The following OSBPL9 variants were observed in gnomAD, a reference collection of about 807,000 sequenced individuals.
OSBPL9 encodes the protein oxysterol-binding protein-related protein 9.
Under a neutral mutation model 106.6 loss-of-function variants are expected in OSBPL9, and 40 were observed. That is an observed-to-expected ratio of 0.38 (90% confidence interval 0.29 to 0.49). The LOEUF (loss-of-function observed/expected upper bound fraction) is 0.49. Among genes scored for constraint, OSBPL9 ranks in the 20% least tolerant of loss-of-function variants. The probability of loss-of-function intolerance (pLI) is 0.97; values close to 1 mark genes in which losing one functional copy is unlikely to be tolerated. For synonymous variants in OSBPL9, 269 were observed against 295.4 expected, an observed-to-expected ratio of 0.91 and a Z score of 0.92; for missense variants, 609 against 887.2, an observed-to-expected ratio of 0.69 and a Z score of 3.98.
the OSBPL9 span, among the ~76,000 whole-genome samples, chr1:51,570,744 A>T: frequency 3.1e-4 from 47 of 152,224 alleles, no homozygotes; most frequent in Non-Finnish European, 4.7e-4. Flanking sequence ...GGTGAAGGTC[A>T]AGTGAGTAAG....
intron 1 of OSBPL9, among the ~76,000 whole-genome samples, chr1:51,642,666 C>G (rs1031879001): frequency 3.9e-5 from 6 of 152,272 alleles, no homozygotes; most frequent in South Asian, 2.1e-4. Context: ...ATCCTAACTC[C>G]AACCCTTTGG....
chr1:51,637,069 A>G (rs139792084), intron 1 of OSBPL9, among the ~76,000 whole-genome samples: 1 of 152,362 alleles, frequency 6.6e-6, no homozygotes, highest in African/African-American at 2.4e-5. Context: ...AACCAGGTTT[A>G]TAGTGACTGT....
intron 8 of OSBPL9, among the ~76,000 whole-genome samples, chr1:51,752,248 C>A (rs1669407051): frequency 6.6e-6 from 1 of 151,006 alleles, no homozygotes; most frequent in Non-Finnish European, 1.5e-5. Flanking sequence ...TCCACCCCCG[C>A]CCCCGGCTTT....
At chr1:51,563,117 T>C in the OSBPL9 span, among the ~76,000 whole-genome samples, 7 of 151,960 alleles carry the variant, frequency 4.6e-5, no homozygotes, top group African/African-American at 1.7e-4. Context: ...GGCTGAGGCA[T>C]GAGAATCTCT....
intron 3 of OSBPL9, among the ~76,000 whole-genome samples, chr1:51,712,282 A>G (rs574834778): frequency 0.04 from 6,162 of 152,268 alleles, 396 homozygotes; most frequent in African/African-American, 0.14. Flanking sequence ...CGCGCCTGCA[A>G]TCGCAGGCAC....
chr1:51,530,184 A>AAAAAAAG, the OSBPL9 span, among the ~76,000 whole-genome samples: 17 of 103,406 alleles, frequency 1.6e-4, no homozygotes, highest in Non-Finnish European at 2.9e-4. Context: ...AAAAAAAAAA[A>AAAAAAAG]AAAAAAAACA....
At chr1:51,606,060 G>A (rs1381532075) in intron 2 of OSBPL9, among the ~76,000 whole-genome samples, 1 of 152,028 alleles carries the variant, frequency 6.6e-6, no homozygotes, top group Non-Finnish European at 1.5e-5. Flanking sequence ...AAATATGACC[G>A]GCTCTCACAG....
Position 51,729,786 on chromosome 1 carries a change from G to A in OSBPL9, c.318+15707G>A. 1.6e-6 allele frequency: 2 copies of A among 1,226,958 alleles called. No individual in the cohort carries two copies. The highest frequency in any genetic ancestry group is 2.0e-6 in the Non-Finnish European group (2 of 977,252). 76.0% of individuals were successfully genotyped at this position (1,226,958 alleles called of 1,614,324 possible). A position where few individuals can be genotyped will look rare whatever the true frequency, so the allele number is the denominator to read the frequency against. ...AGCCAATCGGGGCGACCCCTCCGCC[G>A]GGGAGGGGACGGGAAAGGGGTGGGG... On this transcript the variant is annotated intron_variant, in intron 4 of 23. Transcript: ENST00000428468. This position sits in a 1 kb window ranked among gnomAD's most constrained non-coding sequence, Gnocchi z 5.1.
At chr1:51,662,761 T>C (rs1647337739) in intron 2 of OSBPL9, among the ~76,000 whole-genome samples, 1 of 151,084 alleles carries the variant, frequency 6.6e-6, no homozygotes, top group Non-Finnish European at 1.5e-5. Context: ...TTTTTTTTTT[T>C]TGAGACAGAG....
At chr1:51,574,393 G>T (rs1464234192), upstream of OSBPL9, among the ~76,000 whole-genome samples, 1 of 151,844 alleles carries the variant, frequency 6.6e-6, no homozygotes. Context: ...GCCAACGTGG[G>T]CAGATCACAA....
chr1:51,519,690 T>A, the OSBPL9 span, among the ~76,000 whole-genome samples: 2 of 152,196 alleles, frequency 1.3e-5, no homozygotes, highest in Admixed American at 6.5e-5. Context: ...TGGCACTTTA[T>A]ATATGCCAGG....
At chr1:51,695,105 T>C (rs917839496) in intron 3 of OSBPL9, among the ~76,000 whole-genome samples, 2 of 152,254 alleles carry the variant, frequency 1.3e-5, no homozygotes, top group African/African-American at 2.4e-5. Flanking sequence ...GTACTTTATA[T>C]GTGCTTCCCA....
At chr1:51,762,093 T>C (rs984392894) in intron 11 of OSBPL9, 122 bp downstream of exon 11, 4 of 677,952 alleles carry the variant, frequency 5.9e-6, no homozygotes, top group South Asian at 3.7e-5. Flanking sequence ...GTTGGAGATA[T>C]GTTAGTTTTA....
chr1:51,530,183 A>AAAAAAAG, the OSBPL9 span, among the ~76,000 whole-genome samples: 14 of 107,242 alleles, frequency 1.3e-4, no homozygotes, highest in Non-Finnish European at 2.4e-4. Flanking sequence ...AAAAAAAAAA[A>AAAAAAAG]AAAAAAAAAC....
chr1:51,752,149 C>T (rs1337805003), intron 8 of OSBPL9, among the ~76,000 whole-genome samples: 2 of 152,066 alleles, frequency 1.3e-5, no homozygotes, highest in South Asian at 2.1e-4. Context: ...CGTTCACTGC[C>T]CTCTTACCTG....
At chr1:51,647,585 AC>A (rs2148693761) in intron 1 of OSBPL9, among the ~76,000 whole-genome samples, 1 of 152,144 alleles carries the variant, frequency 6.6e-6, no homozygotes, top group East Asian at 1.9e-4. Flanking sequence ...TACTTATTTT[AC>A]GTCTATTCAG....
intron 4 of OSBPL9, among the ~76,000 whole-genome samples, chr1:51,720,792 ATTTTTTTT>A (rs34137715): frequency 9.9e-6 from 1 of 101,136 alleles, no homozygotes; most frequent in South Asian, 2.9e-4. Flanking sequence ...TCAAATTGGA[ATTTTTTTT>A]TTTTTTTTTT....
At chr1:51,618,973 A>G (rs1644257594) in intron 1 of OSBPL9, among the ~76,000 whole-genome samples, 1 of 152,190 alleles carries the variant, frequency 6.6e-6, no homozygotes, top group Non-Finnish European at 1.5e-5. Flanking sequence ...TCCTTCAACT[A>G]TCAGCTTTCT....
chr1:51,708,696 A>G (rs914558095), intron 3 of OSBPL9, among the ~76,000 whole-genome samples: 1 of 152,054 alleles, frequency 6.6e-6, no homozygotes. Context: ...TCAGTCTCGT[A>G]TATTCGATTT....
Sources: allele counts gnomAD v4.1 joint callset (sites outside exome capture counted in the v4.1 genomes callset), GRCh38; gene constraint gnomAD v4.1.1; non-coding constraint Gnocchi (gnomAD v3.1); transcripts MANE v1.5; gene names NCBI Gene and HGNC (gene_info 2026-07-23, HGNC 2026-07-21).